The following ADARB2 variants were observed in gnomAD, a reference collection of about 807,000 sequenced individuals.
ADARB2 encodes the protein adenosine deaminase RNA specific B2 (inactive).
A neutral mutation model predicts 62.2 loss-of-function variants in ADARB2; 25 were observed. The ratio of observed to expected loss-of-function variants is 0.40; its 90% CI spans 0.29 to 0.56. ADARB2 has a LOEUF of 0.56. Ranked by LOEUF, ADARB2 falls within the 20% of genes least tolerant of loss-of-function variation. The pLI, the probability that ADARB2 is intolerant of heterozygous loss-of-function variation, is 0.43. For synonymous variants in ADARB2, 572 were observed against 500.8 expected (o/e 1.14, Z -1.90); for missense variants, 1,071 against 1,077.4 (o/e 0.99, Z 0.08).
intron 1 of ADARB2, among the ~76,000 whole-genome samples, chr10:1,438,540 C>A (rs1484197838): frequency 2.3e-5 from 3 of 130,560 alleles, no homozygotes; most frequent in Admixed American, 8.1e-5. Flanking sequence ...GCTCCTGAGT[C>A]TCCTCAGCAG....
intron 1 of ADARB2, among the ~76,000 whole-genome samples, chr10:1,392,889 C>T (rs774020715): frequency 6.6e-6 from 1 of 152,136 alleles, no homozygotes; most frequent in African/African-American, 2.4e-5. Flanking sequence ...GAAGTCTAAC[C>T]CCCCAGTCCC....
Position 1,182,134 on chromosome 10 carries a change from G to A in ADARB2, c.*1059C>T, listed in dbSNP as rs1836682730. The A allele has an allele frequency of 1.3e-5, 2 of 152,256 alleles. No individual in the cohort carries two copies. Among genetic ancestry groups the A allele is most frequent in the African/African-American group, 4.8e-5 (2 of 41,470 alleles). 9.4% of individuals were successfully genotyped at this position (152,256 alleles called of 1,614,324 possible). On this transcript the variant is annotated 3_prime_UTR_variant, in exon 10 of 10. Transcript: ENST00000381312. ...TAGAGAGCTGGTAGCCTCTCAAGCT[G>A]AAGGTAAAGGTTGTTTTGATTTTAT...
chr10:1,215,006 G>A (rs1339697264), intron 7 of ADARB2, among the ~76,000 whole-genome samples: 2 of 152,030 alleles, frequency 1.3e-5, no homozygotes, highest in Non-Finnish European at 2.9e-5. Context: ...TCATCTGCCT[G>A]GAGTCCAGAA....
intron 6 of ADARB2, among the ~76,000 whole-genome samples, chr10:1,223,689 T>G (rs1040067416): frequency 2.6e-5 from 4 of 152,176 alleles, no homozygotes; most frequent in East Asian, 1.9e-4. Flanking sequence ...ATCATGTGGT[T>G]TTTGTCTTTG....
chr10:1,688,825 G>A (rs1266884979), intron 1 of ADARB2, among the ~76,000 whole-genome samples: 1 of 152,034 alleles, frequency 6.6e-6, no homozygotes, highest in Non-Finnish European at 1.5e-5. Flanking sequence ...ACACCTTCTT[G>A]GTTTTTCTAC....
At chr10:1,189,693 C>T (rs1836811946) in intron 8 of ADARB2, among the ~76,000 whole-genome samples, 1 of 152,168 alleles carries the variant, frequency 6.6e-6, no homozygotes, top group East Asian at 1.9e-4. Flanking sequence ...CACAGCAGCA[C>T]ATACCTGGTG....
At chr10:1,285,596 A>G (rs1227950513) in intron 3 of ADARB2, among the ~76,000 whole-genome samples, 1 of 152,202 alleles carries the variant, frequency 6.6e-6, no homozygotes, top group African/African-American at 2.4e-5. Context: ...CCCATATTTG[A>G]TGAGCTGTGC....
chr10:1,328,360 G>A (rs1286759331), intron 3 of ADARB2, among the ~76,000 whole-genome samples: 5 of 152,182 alleles, frequency 3.3e-5, no homozygotes, highest in South Asian at 2.1e-4. Flanking sequence ...CATTGGCCTC[G>A]AAGAAAGGCT....
chr10:1,562,585 T>C (rs144744715), intron 1 of ADARB2, among the ~76,000 whole-genome samples: 2 of 152,370 alleles, frequency 1.3e-5, no homozygotes, highest in East Asian at 3.9e-4. Context: ...GCACCTGTGA[T>C]AAGGCCTAGC....
At chr10:1,378,846 C>T (rs932317133) in intron 2 of ADARB2, among the ~76,000 whole-genome samples, 2 of 152,010 alleles carry the variant, frequency 1.3e-5, no homozygotes, top group African/African-American at 4.8e-5. Flanking sequence ...AGGACAGGAC[C>T]TCAAATAAGA....
intron 1 of ADARB2, among the ~76,000 whole-genome samples, chr10:1,630,334 A>G (rs1833826858): frequency 6.6e-6 from 1 of 152,146 alleles, no homozygotes; most frequent in Admixed American, 6.5e-5. Context: ...TGATCAACGC[A>G]GTACAGAAGC....
intron 1 of ADARB2, among the ~76,000 whole-genome samples, chr10:1,532,141 C>A (rs572478704): frequency 6.6e-6 from 1 of 152,264 alleles, no homozygotes; most frequent in African/African-American, 2.4e-5. Flanking sequence ...CCTGTATCAG[C>A]CCGCACCATT....
At chr10:1,377,468 CT>C (rs1337488093) in intron 2 of ADARB2, among the ~76,000 whole-genome samples, 1 of 122,604 alleles carries the variant, frequency 8.2e-6, no homozygotes, top group African/African-American at 3.2e-5. Context: ...GTGTGTGCTC[CT>C]GGGGTGTGTG....
chr10:1,563,838 T>A lies in ADARB2; in HGVS notation c.100+173213A>T, dbSNP rs536491872. On this transcript the variant is annotated intron_variant, in intron 1 of 9. Transcript: ENST00000381312. ...ATGTTCCCCTTCCTGTGTCCATGTG[T>A]TCTCATTGTTCAATTCCTACCTATG... Among the ~76,000 whole-genome samples, 16 of 143,134 alleles carry A rather than the reference T, an allele frequency of 1.1e-4. No homozygotes were observed. In the South Asian group the frequency reaches 2.2e-3, roughly 19 times the overall value. The allele number at this position is 143,134 out of a possible 152,430, so 93.9% of individuals were successfully genotyped here.
chr10:1,519,912 A>C lies in ADARB2; in HGVS notation c.101-140752T>G, dbSNP rs188607153. ...TAGAGTATTCAAATAATTGCCATGTAGGCTGCCTTCTGCCAACTGGAAATG... is the reference window on the plus strand; with the variant it reads ...TAGAGTATTCAAATAATTGCCATGTCGGCTGCCTTCTGCCAACTGGAAATG... On this transcript the variant is annotated intron_variant, in intron 1 of 9. Coordinates refer to ENST00000381312, the MANE Select transcript of ADARB2 (RefSeq NM_018702.4). Among the ~76,000 whole-genome samples the C allele has an allele frequency of 5.4e-3, 822 of 152,298 alleles. 8 individuals are homozygous for C. The highest frequency in any genetic ancestry group is 7.7e-3 in the Non-Finnish European group (525 of 68,038).
chr10:1,336,103 A>C (rs1413811772), intron 3 of ADARB2, among the ~76,000 whole-genome samples: 1 of 152,232 alleles, frequency 6.6e-6, no homozygotes, highest in African/African-American at 2.4e-5. Flanking sequence ...AAACATTCGA[A>C]TTCATGGAGT....
intron 1 of ADARB2, among the ~76,000 whole-genome samples, chr10:1,549,828 C>T (rs4880864): frequency 0.58 from 87,692 of 151,872 alleles, 25,578 homozygotes; most frequent in East Asian, 0.76. Context: ...CAGCCAACTG[C>T]GATCCCGGAG....
intron 3 of ADARB2, among the ~76,000 whole-genome samples, chr10:1,317,397 G>A (rs1831748784): frequency 6.6e-6 from 1 of 152,186 alleles, no homozygotes; most frequent in Non-Finnish European, 1.5e-5. Context: ...AGGCATAGTC[G>A]ATTGTCTTCG....
chr10:1,432,132 A>G (rs578153107), intron 1 of ADARB2, among the ~76,000 whole-genome samples: 1 of 152,310 alleles, frequency 6.6e-6, no homozygotes, highest in East Asian at 1.9e-4. Flanking sequence ...TTCCATGACT[A>G]TGTTACTTAT....
Sources: allele counts gnomAD v4.1 joint callset (sites outside exome capture counted in the v4.1 genomes callset), GRCh38; gene constraint gnomAD v4.1.1; transcripts MANE v1.5; gene names NCBI Gene and HGNC (gene_info 2026-07-23, HGNC 2026-07-21).